The following CNTNAP2 variants were observed in gnomAD, a reference collection of about 807,000 sequenced individuals.
CNTNAP2 encodes contactin-associated protein-like 2.
CNTNAP2 carries 98 observed loss-of-function variants against 155.2 expected under a neutral mutation model. The observed-to-expected ratio is 0.63, with a 90% CI of 0.54 to 0.75. The LOEUF (loss-of-function observed/expected upper bound fraction) is 0.75. Among genes scored for constraint, CNTNAP2 ranks in the 30% least tolerant of loss-of-function variants. The pLI, the probability that CNTNAP2 is intolerant of heterozygous loss-of-function variation, is 0.00. For missense variants in CNTNAP2, 1,727 were observed against 1,688.1 expected, an observed-to-expected ratio of 1.02 and a Z score of -0.40; for synonymous variants, 651 against 631.2, an observed-to-expected ratio of 1.03 and a Z score of -0.47.
chr7:147,758,179 G>A (rs1439657585), intron 13 of CNTNAP2, among the ~76,000 whole-genome samples: 2 of 152,112 alleles, frequency 1.3e-5, no homozygotes, highest in East Asian at 1.9e-4. Context: ...TACAAAACTG[G>A]CACAAAGGCA....
At chr7:147,214,378 G>A (rs1584796927) in intron 8 of CNTNAP2, among the ~76,000 whole-genome samples, 1 of 152,098 alleles carries the variant, frequency 6.6e-6, no homozygotes, top group East Asian at 1.9e-4. Flanking sequence ...CACTGGCTAA[G>A]TTATTTAACC....
intron 1 of CNTNAP2, among the ~76,000 whole-genome samples, chr7:146,537,488 G>C (rs150642407): frequency 1.3e-5 from 2 of 152,084 alleles, no homozygotes; most frequent in African/African-American, 4.8e-5. Context: ...GTCATCATGC[G>C]AGTCACAGTC....
chr7:146,248,369 G>T (rs536275706), intron 1 of CNTNAP2, among the ~76,000 whole-genome samples: 2 of 152,126 alleles, frequency 1.3e-5, no homozygotes, highest in Non-Finnish European at 1.5e-5. Context: ...GCCGCTAAGG[G>T]TGAAGGACCA....
chr7:147,362,216 T>G (rs1172695093), intron 9 of CNTNAP2, among the ~76,000 whole-genome samples: 1 of 152,170 alleles, frequency 6.6e-6, no homozygotes, highest in East Asian at 1.9e-4. Context: ...CACTACAGCC[T>G]CAAATTCCTG....
chr7:147,781,813 G>A (rs1410161221), intron 13 of CNTNAP2, among the ~76,000 whole-genome samples: 1 of 152,066 alleles, frequency 6.6e-6, no homozygotes, highest in Non-Finnish European at 1.5e-5. Context: ...CACGAGGTCA[G>A]GAGATCGAGA....
chr7:146,294,673 T>A (rs1424661562), intron 1 of CNTNAP2, among the ~76,000 whole-genome samples: 7 of 152,226 alleles, frequency 4.6e-5, no homozygotes, highest in African/African-American at 7.2e-5. Context: ...CACTATAGAC[T>A]TTTATTTTTA....
chr7:146,894,077 C>T (rs749579910), intron 3 of CNTNAP2, among the ~76,000 whole-genome samples: 3 of 152,194 alleles, frequency 2.0e-5, no homozygotes, highest in Non-Finnish European at 2.9e-5. Flanking sequence ...GGTGTCGAGC[C>T]ACCTGTTGTC....
chr7:148,032,486 G>A (rs1318688407), intron 15 of CNTNAP2, among the ~76,000 whole-genome samples: 1 of 152,122 alleles, frequency 6.6e-6, no homozygotes, highest in Non-Finnish European at 1.5e-5. Context: ...GGTGCCAGGA[G>A]AACTCATGGC....
intron 8 of CNTNAP2, among the ~76,000 whole-genome samples, chr7:147,216,283 T>C (rs935476012): frequency 6.6e-6 from 1 of 152,064 alleles, no homozygotes; most frequent in Non-Finnish European, 1.5e-5. Flanking sequence ...GATTTTCTCA[T>C]GTGTTAATTT....
chr7:146,298,322 G>T (rs1800548993), intron 1 of CNTNAP2, among the ~76,000 whole-genome samples: 1 of 152,164 alleles, frequency 6.6e-6, no homozygotes, highest in Non-Finnish European at 1.5e-5. Flanking sequence ...GGGTTTTCCT[G>T]CAGAAGGCTA....
At chr7:147,358,301 C>G (rs982973151) in intron 9 of CNTNAP2, among the ~76,000 whole-genome samples, 3 of 152,050 alleles carry the variant, frequency 2.0e-5, no homozygotes, top group African/African-American at 7.2e-5. Context: ...TTCCTCTTCT[C>G]TATAAGCAAA....
intron 1 of CNTNAP2, among the ~76,000 whole-genome samples, chr7:146,467,289 A>T (rs1796729913): frequency 6.6e-6 from 1 of 152,172 alleles, no homozygotes; most frequent in African/African-American, 2.4e-5. Context: ...AAAAACTAAT[A>T]CAAAAACCAA....
At position 148,240,195 on chromosome 7, in the gene CNTNAP2, T is replaced by C. The variant is rs554424256; in HGVS notation, c.3381+10416T>C. On this transcript the variant is annotated intron_variant, in intron 20 of 23. Transcript: ENST00000361727. ...ATCTACAATATAAAAGAAATTTGGA[T>C]AGATAATGATGAGTTGGTGGAACAG... Among the ~76,000 whole-genome samples, 125 of 152,286 alleles carry C rather than the reference T, an allele frequency of 8.2e-4. 1 individual carries two copies. The South Asian group carries it at 0.01, about 12-fold the overall frequency.
rs1005378675 is a variant in CNTNAP2, at chr7:147,685,819, G to C, written c.2098+46513G>C. Among the ~76,000 whole-genome samples, 49 of 152,118 alleles carry C rather than the reference G, an allele frequency of 3.2e-4. 1 individual carries two copies. Among genetic ancestry groups the C allele is most frequent in the Middle Eastern group, 6.8e-3 (2 of 294 alleles). On this transcript the variant is annotated intron_variant, in intron 13 of 23. Transcript: ENST00000361727. ...AAAATTTGAACAGAAATTTGAAGGAGATGAGAGTACAGATATCATGCTATC... is the reference window on the plus strand; with the variant it reads ...AAAATTTGAACAGAAATTTGAAGGACATGAGAGTACAGATATCATGCTATC...
intron 1 of CNTNAP2, among the ~76,000 whole-genome samples, chr7:146,773,100 C>T (rs575317162): frequency 5.2e-4 from 79 of 152,060 alleles, no homozygotes; most frequent in Non-Finnish European, 8.4e-4. Flanking sequence ...CAGAGAGGGA[C>T]GGTAGACTCA....
At chr7:146,524,174 T>C (rs1172386192) in intron 1 of CNTNAP2, among the ~76,000 whole-genome samples, 1 of 152,158 alleles carries the variant, frequency 6.6e-6, no homozygotes, top group Non-Finnish European at 1.5e-5. Context: ...ATGGCCCATA[T>C]GAGGCCCATA....
At chr7:147,010,120 C>G (rs1380011163) in intron 3 of CNTNAP2, among the ~76,000 whole-genome samples, 1 of 149,424 alleles carries the variant, frequency 6.7e-6, no homozygotes, top group Non-Finnish European at 1.5e-5. Context: ...AGTGATTCTT[C>G]CACCTCGGCC....
At chr7:146,362,532 GA>G (rs1219370926) in intron 1 of CNTNAP2, among the ~76,000 whole-genome samples, 3 of 152,138 alleles carry the variant, frequency 2.0e-5, no homozygotes, top group Non-Finnish European at 4.4e-5. Flanking sequence ...CTTGAGGCAA[GA>G]AATATGTTTT....
chr7:148,026,030 T>G (rs931205895), intron 15 of CNTNAP2, among the ~76,000 whole-genome samples: 4 of 152,140 alleles, frequency 2.6e-5, no homozygotes, highest in Admixed American at 2.6e-4. Context: ...CTTTTTGACC[T>G]GAAAGGAAAA....
Sources: gnomAD v4.1 joint callset for allele counts (sites outside exome capture counted in the v4.1 genomes callset) on GRCh38, gnomAD v4.1.1 for gene constraint, MANE v1.5 for transcripts, NCBI Gene and HGNC (gene_info 2026-07-23, HGNC 2026-07-21) for gene names.